Variants in USP32 observed in about 807,000 individuals in gnomAD.
USP32 encodes ubiquitin carboxyl-terminal hydrolase 32.
A neutral mutation model predicts 204.8 loss-of-function variants in USP32; 59 were observed. The observed-to-expected ratio is 0.29, with a 90% CI of 0.23 to 0.36. The LOEUF (loss-of-function observed/expected upper bound fraction) is 0.36, where lower values mean the gene tolerates loss of function less well. Ranked by LOEUF, USP32 falls within the 10% of genes least tolerant of loss-of-function variation. USP32 has a pLI of 1.00. For synonymous variants in USP32, 517 were observed against 678.4 expected (o/e 0.76, Z 3.70); for missense variants, 1,160 against 1,946.4 (o/e 0.60, Z 7.60).
intron 2 of USP32, among the ~76,000 whole-genome samples, chr17:60,337,841 A>G (rs951602007): frequency 1.7e-4 from 26 of 152,152 alleles, no homozygotes; most frequent in African/African-American, 6.3e-4. Context: ...TGATCGGGCC[A>G]CTGCACTCCA....
chr17:60,249,704 G>A (rs1256966060), intron 11 of USP32: 2 of 699,924 alleles, frequency 2.9e-6, no homozygotes, highest in African/African-American at 1.8e-5. Context: ...AGTAGTTCTT[G>A]AATAAATGCT....
intron 11 of USP32, among the ~76,000 whole-genome samples, chr17:60,241,418 C>T (rs887996384): frequency 6.7e-6 from 1 of 149,970 alleles, no homozygotes; most frequent in Non-Finnish European, 1.5e-5. Flanking sequence ...TATATACAGG[C>T]TTTTAAAAAA....
At chr17:60,323,097 A>C (rs947007004) in intron 2 of USP32, among the ~76,000 whole-genome samples, 2 of 152,206 alleles carry the variant, frequency 1.3e-5, no homozygotes, top group Non-Finnish European at 2.9e-5. Context: ...GCAGTTCCTC[A>C]AAAAGTTAAA....
At chr17:60,321,518 A>G (rs2088111124) in intron 2 of USP32, among the ~76,000 whole-genome samples, 4 of 152,192 alleles carry the variant, frequency 2.6e-5, no homozygotes, top group South Asian at 2.1e-4. Flanking sequence ...TATCATCTCA[A>G]TTAGGAAACG....
At chr17:60,227,935 TA>T (rs924753808) in intron 12 of USP32, among the ~76,000 whole-genome samples, 2 of 152,054 alleles carry the variant, frequency 1.3e-5, no homozygotes, top group African/African-American at 2.4e-5. Context: ...GACCATAGTT[TA>T]AAAAAATGAT....
At position 60,186,952 on chromosome 17, in the gene USP32, G is replaced by A. The variant is rs191251255; in HGVS notation, c.3643-1301C>T. The stretch of plus-strand genomic sequence containing the variant: ...GAATGCTATCATGAGACTTCACACA[G>A]TATATATTTGTGTCCCAAAGCAGAG... On this transcript the variant is annotated intron_variant, in intron 29 of 33. Transcript: ENST00000300896. Among the ~76,000 whole-genome samples the A allele has an allele frequency of 3.2e-3, 488 of 152,202 alleles. 6 individuals are homozygous for A. The highest frequency in any genetic ancestry group is 0.02 in the Admixed American group (299 of 15,266).
chr17:60,405,313 C>T (rs1366442962), intron 1 of USP32, among the ~76,000 whole-genome samples: 1 of 152,106 alleles, frequency 6.6e-6, no homozygotes, highest in Non-Finnish European at 1.5e-5. Flanking sequence ...AGCAACTCTC[C>T]TGTCTCAGCC....
chr17:60,348,061 G>A (rs529758117), intron 1 of USP32, among the ~76,000 whole-genome samples: 2 of 151,730 alleles, frequency 1.3e-5, no homozygotes, highest in Non-Finnish European at 2.9e-5. Flanking sequence ...GGCGGAGCTC[G>A]CAGTGAGCCA....
intron 1 of USP32, among the ~76,000 whole-genome samples, chr17:60,379,405 A>G (rs1334585112): frequency 6.6e-6 from 1 of 152,168 alleles, no homozygotes; most frequent in Non-Finnish European, 1.5e-5. Flanking sequence ...ACTACATTCC[A>G]GATTTAGGGA....
chr17:60,411,431 G>T (rs948920842), intron 1 of USP32, among the ~76,000 whole-genome samples: 4 of 129,016 alleles, frequency 3.1e-5, no homozygotes, highest in Non-Finnish European at 4.8e-5. Flanking sequence ...AGGATCACTT[G>T]AGCCCAGGAG....
chr17:60,249,087 T>C (rs2086106210), intron 11 of USP32: 1 of 152,276 alleles, frequency 6.6e-6, no homozygotes, highest in South Asian at 2.1e-4. Context: ...ATTTTTAAGC[T>C]TGGCCTTCTT....
Position 60,378,647 on chromosome 17 carries a change from T to G in USP32, c.58+13235A>C, listed in dbSNP as rs558797576. Among the ~76,000 whole-genome samples, 7 of 152,294 alleles carry G rather than the reference T, an allele frequency of 4.6e-5. No individual in the cohort carries two copies. In the East Asian group the frequency reaches 1.3e-3, roughly 29 times the overall value. On this transcript the variant is annotated intron_variant, in intron 1 of 33. Transcript: ENST00000300896. ...ATTCTGCTATGTACTACAACATGGA[T>G]AAACCTTGAAAACATTATCCTAAGT...
At chr17:60,282,650 C>A (rs1184397708) in intron 5 of USP32, among the ~76,000 whole-genome samples, 1 of 152,158 alleles carries the variant, frequency 6.6e-6, no homozygotes, top group Non-Finnish European at 1.5e-5. Context: ...CCGCACCCAG[C>A]CAAACATAGT....
At position 60,223,585 on chromosome 17, in the gene USP32, GCCT is replaced by G; in HGVS notation, c.1433-2_1433del. On this transcript the variant is annotated splice_acceptor_variant and coding_sequence_variant, in exon 14 of 34. Transcript: ENST00000300896. LOFTEE classifies it high-confidence loss of function. ...CCCCTGGTGTGGCAGAATACAGAAAGCCTATAAAAAAAAAAGAGGATAGAATCT... is the reference window on the plus strand; with the variant it reads ...CCCCTGGTGTGGCAGAATACAGAAAGATAAAAAAAAAAGAGGATAGAATCT... 1 of 1,577,046 alleles carries G rather than the reference GCCT, an allele frequency of 6.3e-7. No individual in the cohort carries two copies. Among genetic ancestry groups the G allele is most frequent in the South Asian group, 1.2e-5 (1 of 84,764 alleles).
intron 10 of USP32, 83 bp downstream of exon 10, chr17:60,255,092 C>A: frequency 1.0e-5 from 9 of 873,836 alleles, no homozygotes; most frequent in South Asian, 1.8e-5. Context: ...CTAGATACAA[C>A]AACTCTGGCT....
At chr17:60,259,349 T>C (rs1434980976) in intron 9 of USP32, among the ~76,000 whole-genome samples, 2 of 152,176 alleles carry the variant, frequency 1.3e-5, no homozygotes, top group African/African-American at 2.4e-5. Flanking sequence ...TTTGTTTGTA[T>C]TGTAAACAAT....
At chr17:60,240,022 A>G (rs796815585) in intron 11 of USP32, among the ~76,000 whole-genome samples, 1 of 152,240 alleles carries the variant, frequency 6.6e-6, no homozygotes, top group Non-Finnish European at 1.5e-5. Context: ...GGCGTGGGCC[A>G]CCATGCCCAA....
rs1334680665 is a variant in USP32 at position 60,391,932 on chromosome 17, G to A, written c.8C>T (p.Ala3Val). 2.5e-6 allele frequency: 4 copies of A among 1,612,518 alleles called. No homozygotes were observed. The highest frequency in any genetic ancestry group is 1.1e-5 in the South Asian group (1 of 90,806). MG[A>V]KESRIGFLSY... ...GAGGAATCCGATCCGTGACTCCTTGGCACCCATGCTCCCCTCATCCCCTCG... is the reference window on the plus strand; with the variant it reads ...GAGGAATCCGATCCGTGACTCCTTGACACCCATGCTCCCCTCATCCCCTCG... Residue 3 changes from alanine to valine, a missense_variant, in exon 1 of 34, where the codon GCC (alanine) becomes GTC (valine). Ala to Val is a moderately conservative substitution (Grantham distance 64). Transcript: ENST00000300896.
At chr17:60,228,638 A>C (rs2145599838) in intron 12 of USP32, among the ~76,000 whole-genome samples, 1 of 150,902 alleles carries the variant, frequency 6.6e-6, no homozygotes, top group African/African-American at 2.4e-5. Flanking sequence ...AGCAACGTGG[A>C]TAGATCCCGT....
Sources: allele counts gnomAD v4.1 joint callset (sites outside exome capture counted in the v4.1 genomes callset), GRCh38; gene constraint gnomAD v4.1.1; transcripts MANE v1.5; gene names NCBI Gene and HGNC (gene_info 2026-07-23, HGNC 2026-07-21).